GRHL1: variants seen among roughly 807,000 people sequenced by gnomAD.
GRHL1 encodes grainyhead-like protein 1 homolog.
Under a neutral mutation model 75.7 loss-of-function variants are expected in GRHL1, and 38 were observed. That is an observed-to-expected ratio of 0.50 (90% CI 0.39 to 0.66). GRHL1 has a LOEUF of 0.66. Ranked by LOEUF, GRHL1 falls within the 30% of genes least tolerant of loss-of-function variation. The pLI is 0.00. For missense variants in GRHL1, 589 were observed against 767.5 expected, an observed-to-expected ratio of 0.77 and a Z score of 2.75; for synonymous variants, 266 against 279.4, an observed-to-expected ratio of 0.95 and a Z score of 0.48.
chr2:9,957,785 C>T (rs1667098044), intron 2 of GRHL1, among the ~76,000 whole-genome samples: 1 of 152,146 alleles, frequency 6.6e-6, no homozygotes, highest in African/African-American at 2.4e-5. Flanking sequence ...TTTTAAGCAC[C>T]TTAGCCATTT....
At chr2:9,974,658 C>T (rs1291115803) in intron 8 of GRHL1, among the ~76,000 whole-genome samples, 1 of 152,196 alleles carries the variant, frequency 6.6e-6, no homozygotes, top group Non-Finnish European at 1.5e-5. Flanking sequence ...CATTATTGAC[C>T]AATTTGACTG....
intron 4 of GRHL1, among the ~76,000 whole-genome samples, chr2:9,961,821 T>C (rs1345137711): frequency 6.6e-6 from 1 of 152,164 alleles, no homozygotes; most frequent in African/African-American, 2.4e-5. Context: ...ATTATATCTT[T>C]GCTTGGTGTT....
rs1667398972 is a variant in GRHL1 at position 9,964,338 on chromosome 2, T to C, written c.1007T>C (p.Ile336Thr). 6.4e-7 allele frequency: 1 copy of C among 1,561,394 alleles called. No homozygotes were observed. The highest frequency in any genetic ancestry group is 8.8e-7 in the Non-Finnish European group (1 of 1,132,712). Reference sequence around the variant, plus strand: ...CAGCACACCGCTAAACAAAGATGCATTGACATAGGTAAGCAGCTCAAGAGC... The same window carrying C: ...CAGCACACCGCTAAACAAAGATGCACTGACATAGGTAAGCAGCTCAAGAGC... ...SRQHTAKQRC[I>T]DIADYKESFN... Residue 336 changes from isoleucine to threonine, a missense_variant, in exon 7 of 16, where the codon ATT becomes ACT. Ile to Thr is a moderately conservative substitution (Grantham distance 89). Transcript: ENST00000324907.
At chr2:9,988,962 T>C (rs1668532166) in intron 9 of GRHL1, among the ~76,000 whole-genome samples, 1 of 151,712 alleles carries the variant, frequency 6.6e-6, no homozygotes, top group South Asian at 2.1e-4. Context: ...TGGAGGAGGG[T>C]GGTGTTTATC....
chr2:9,984,162 CA>C (rs369581721), intron 8 of GRHL1, among the ~76,000 whole-genome samples: 28 of 144,848 alleles, frequency 1.9e-4, no homozygotes, highest in South Asian at 4.4e-4. Flanking sequence ...AACTTCATCT[CA>C]AAAAAAAAAA....
At chr2:9,985,117 T>C (rs961463677) in intron 8 of GRHL1, among the ~76,000 whole-genome samples, 1 of 151,514 alleles carries the variant, frequency 6.6e-6, no homozygotes, top group African/African-American at 2.4e-5. Flanking sequence ...TGGGCACTGA[T>C]AGGAAAGCAG....
chr2:9,980,589 A>G (rs554037295), intron 8 of GRHL1, among the ~76,000 whole-genome samples: 7 of 152,306 alleles, frequency 4.6e-5, no homozygotes, highest in African/African-American at 1.7e-4. Flanking sequence ...TTCTCTTCCA[A>G]TAATTTGGGT....
Position 9,971,320 on chromosome 2 carries a change from G to A in GRHL1, c.1110+5939G>A, listed in dbSNP as rs77356719. 9.2e-3 allele frequency among the ~76,000 whole-genome samples: 1,398 copies of A among 152,266 alleles called. 17 individuals are homozygous for A. The highest frequency in any genetic ancestry group is 0.014 in the Non-Finnish European group (971 of 68,030). ...CACAACTTTAAATTTCCAGTGTGAT[G>A]GGAGGAAGGAGCGGGGAGAGAAGTG... On this transcript the variant is annotated intron_variant, in intron 8 of 15. Coordinates refer to ENST00000324907, the MANE Select transcript of GRHL1 (RefSeq NM_198182.3).
chr2:9,961,315 T>C lies in GRHL1; in HGVS notation c.548T>C (p.Val183Ala), dbSNP rs768602072. The change falls in exon 4 of 16, where the codon GTG (valine) becomes GCG (alanine). Residue 183 changes from valine (V) to alanine (A), a missense_variant. This residue lies in a region of GRHL1 where 362 missense variants were observed against 461.8 expected (regional missense o/e 0.78). Transcript: ENST00000324907. Reference sequence around the variant, plus strand: ...TATCATCCTGAGCCCACTGAGCGGGTGGTGGTTTTCGATCGGAATCTCAAT... The same window carrying C: ...TATCATCCTGAGCCCACTGAGCGGGCGGTGGTTTTCGATCGGAATCTCAAT... ...AVYHPEPTER[V>A]VVFDRNLNTD... is the part of the protein sequence containing the mutation. 2.5e-6 allele frequency: 4 copies of C among 1,614,118 alleles called. No individual in the cohort carries two copies. Among genetic ancestry groups the C allele is most frequent in the Non-Finnish European group, 3.4e-6 (4 of 1,180,028 alleles).
At chr2:9,965,530 CCCT>C in intron 8 of GRHL1, 149 bp downstream of exon 8, 1 of 596,246 alleles carries the variant, frequency 1.7e-6, no homozygotes, top group South Asian at 2.1e-5. Context: ...TTTTATTCTC[CCCT>C]CCTCCAAAAC....
chr2:9,977,491 T>G (rs1198930149), intron 8 of GRHL1, among the ~76,000 whole-genome samples: 3 of 152,170 alleles, frequency 2.0e-5, no homozygotes, highest in Non-Finnish European at 2.9e-5. Context: ...CAGCTAAGTT[T>G]TTATATTTTT....
chr2:9,954,191 A>T (rs889109652), intron 1 of GRHL1, among the ~76,000 whole-genome samples: 1 of 151,858 alleles, frequency 6.6e-6, no homozygotes, highest in African/African-American at 2.4e-5. Context: ...TTTCCCACCT[A>T]TTTTTTTTAA....
At chr2:9,985,522 G>A (rs1668380219) in intron 8 of GRHL1, among the ~76,000 whole-genome samples, 1 of 152,128 alleles carries the variant, frequency 6.6e-6, no homozygotes, top group Admixed American at 6.5e-5. Flanking sequence ...TTGAACACTG[G>A]GCCCAATGTG....
intron 7 of GRHL1, chr2:9,965,010 T>G: frequency 3.0e-6 from 1 of 329,818 alleles, no homozygotes. Context: ...ACAGAGTAGT[T>G]TTGTGACCTT....
intron 8 of GRHL1, among the ~76,000 whole-genome samples, chr2:9,975,813 G>C (rs140823706): frequency 1.3e-4 from 20 of 152,170 alleles, no homozygotes; most frequent in African/African-American, 4.6e-4. Context: ...TTGAACCCAG[G>C]AGTTGGAGGT....
intron 8 of GRHL1, among the ~76,000 whole-genome samples, chr2:9,975,102 T>A (rs1236061441): frequency 6.6e-6 from 1 of 152,214 alleles, no homozygotes; most frequent in Non-Finnish European, 1.5e-5. Context: ...AACAGCTTAG[T>A]CCGAGGAGGT....
At chr2:9,981,123 C>T (rs1668179984) in intron 8 of GRHL1, among the ~76,000 whole-genome samples, 5 of 152,218 alleles carry the variant, frequency 3.3e-5, no homozygotes, top group Admixed American at 3.3e-4. Flanking sequence ...TGTTTCTACA[C>T]TCGCCATATG....
chr2:9,976,726 C>T (rs546701304), intron 8 of GRHL1, among the ~76,000 whole-genome samples: 11 of 152,202 alleles, frequency 7.2e-5, no homozygotes, highest in Admixed American at 6.5e-4. Context: ...GGTGATCAGA[C>T]GTTTTGCAGT....
chr2:9,975,675 C>G (rs1207997030), intron 8 of GRHL1, among the ~76,000 whole-genome samples: 1 of 150,898 alleles, frequency 6.6e-6, no homozygotes, highest in African/African-American at 2.4e-5. Flanking sequence ...ATCAGGAGTT[C>G]GAGACCAGCC....
Sources: allele counts gnomAD v4.1 joint callset (sites outside exome capture counted in the v4.1 genomes callset), GRCh38; gene constraint gnomAD v4.1.1; regional missense constraint gnomAD v4.1.1; transcripts MANE v1.5; gene names NCBI Gene and HGNC (gene_info 2026-07-23, HGNC 2026-07-21).